SYT14: variants seen among roughly 807,000 people sequenced by gnomAD.
The protein encoded by SYT14 is synaptotagmin-14.
In SYT14, 32 loss-of-function variants were observed where a neutral mutation model predicts 74.2. The observed-to-expected ratio is 0.43, with a 90% confidence interval of 0.33 to 0.58. The LOEUF (loss-of-function observed/expected upper bound fraction) is 0.58, where lower values mean the gene tolerates loss of function less well. Among genes scored for constraint, SYT14 ranks in the 20% least tolerant of loss-of-function variants. The pLI is 0.05. For synonymous variants in SYT14, 298 were observed against 337.7 expected (o/e 0.88, Z 1.29); for missense variants, 791 against 981.8 (o/e 0.81, Z 2.60).
rs529991213 is a variant in SYT14 at position 209,993,288 on chromosome 1, T to C, written c.-485-20345T>C. Among the ~76,000 whole-genome samples, 34 of 152,334 alleles carry C rather than the reference T, an allele frequency of 2.2e-4. No homozygotes were observed. The South Asian group carries it at 4.8e-3, about 21-fold the overall frequency. The stretch of plus-strand genomic sequence containing the variant: ...AAGCTCGCCTGTCGACTGCCCCTCC[T>C]TGGACACATGCCTAGCTGCCCCGCA... On this transcript the variant is annotated intron_variant, in intron 2 of 9. Transcript: ENST00000637265.
intron 8 of SYT14, among the ~76,000 whole-genome samples, chr1:210,156,121 AT>A (rs1572391988): frequency 6.6e-6 from 1 of 152,160 alleles, no homozygotes; most frequent in East Asian, 1.9e-4. Context: ...ACAACTTTTA[AT>A]TTTTCATAGT....
intron 7 of SYT14, among the ~76,000 whole-genome samples, chr1:210,122,344 T>G (rs1195658249): frequency 6.6e-6 from 1 of 152,222 alleles, no homozygotes; most frequent in African/African-American, 2.4e-5. Flanking sequence ...ATGTTTATTG[T>G]GGGTCAATTA....
At position 209,938,391 on chromosome 1, in the gene SYT14, C is replaced by T. The variant is rs569825209; in HGVS notation, c.-534+114C>T. On this transcript the variant is annotated intron_variant, in intron 1 of 9. Coordinates refer to ENST00000637265, the Ensembl canonical transcript of SYT14. The stretch of plus-strand genomic sequence containing the variant: ...CGGGGCCGCCTCCTGTGGTCTGGAG[C>T]CGGCTGAAGACGCGCGGGGGTCCTG... 4.3e-5 allele frequency: 46 copies of T among 1,081,782 alleles called. No individual in the cohort carries two copies. The East Asian group carries it at 6.3e-4, about 15-fold the overall frequency. 67.0% of individuals were successfully genotyped at this position (1,081,782 alleles called of 1,614,324 possible). A position where few individuals can be genotyped will look rare whatever the true frequency, so the allele number is the denominator to read the frequency against.
intron 7 of SYT14, among the ~76,000 whole-genome samples, chr1:210,144,681 G>A (rs886315624): frequency 6.6e-6 from 1 of 151,774 alleles, no homozygotes; most frequent in South Asian, 2.1e-4. Context: ...AAATCATTTG[G>A]GGCTGTTATA....
At chr1:210,040,321 G>C (rs1005877229) in intron 5 of SYT14, among the ~76,000 whole-genome samples, 1 of 151,972 alleles carries the variant, frequency 6.6e-6, no homozygotes, top group Non-Finnish European at 1.5e-5. Context: ...TAAACAATGA[G>C]AACACATGGA....
chr1:209,945,016 G>A (rs1274530026), intron 1 of SYT14, among the ~76,000 whole-genome samples: 1 of 152,046 alleles, frequency 6.6e-6, no homozygotes, highest in African/African-American at 2.4e-5. Flanking sequence ...ATCATGAATA[G>A]CACTGCTTCT....
At chr1:210,138,745 A>G (rs992236018) in intron 7 of SYT14, among the ~76,000 whole-genome samples, 3 of 152,196 alleles carry the variant, frequency 2.0e-5, no homozygotes, top group African/African-American at 4.8e-5. Context: ...AGCAATCATT[A>G]TAGTAATGGT....
At chr1:210,073,865 T>C (rs1000663805) in intron 5 of SYT14, among the ~76,000 whole-genome samples, 1 of 152,160 alleles carries the variant, frequency 6.6e-6, no homozygotes, top group Non-Finnish European at 1.5e-5. Flanking sequence ...GTATGTGTTA[T>C]AGTATCAATT....
intron 2 of SYT14, among the ~76,000 whole-genome samples, chr1:209,956,991 C>T (rs902095748): frequency 2.6e-5 from 4 of 151,742 alleles, no homozygotes; most frequent in Non-Finnish European, 4.4e-5. Flanking sequence ...GGGCCTTTTC[C>T]CTTCTGCCTT....
intron 7 of SYT14, among the ~76,000 whole-genome samples, chr1:210,152,957 A>G (rs1448511460): frequency 1.3e-5 from 2 of 152,174 alleles, no homozygotes; most frequent in African/African-American, 2.4e-5. Context: ...ACTTAAAATC[A>G]CATTTGTAAA....
rs907033082 is a variant in SYT14, at chr1:209,953,278, G to A, written c.-486+522G>A. The stretch of plus-strand genomic sequence containing the variant: ...AGGAAAGGTAATTCAGTTACTAGGT[G>A]GGAGGCAAGGAATCAGGTATTCTCT... On this transcript the variant is annotated intron_variant, in intron 2 of 9. Transcript: ENST00000637265. 6.2e-6 allele frequency: 8 copies of A among 1,282,288 alleles called. No individual in the cohort carries two copies. In the African/African-American group the frequency reaches 1.1e-4, roughly 17 times the overall value. The allele number at this position is 1,282,288 out of a possible 1,614,324, so 79.4% of individuals were successfully genotyped here.
chr1:210,006,074 T>G (rs1017368583), intron 2 of SYT14, among the ~76,000 whole-genome samples: 1 of 151,906 alleles, frequency 6.6e-6, no homozygotes, highest in Admixed American at 6.6e-5. Context: ...GCATTTTTTT[T>G]CCCTAAGATC....
At chr1:210,115,911 T>G (rs142328194) in intron 7 of SYT14, among the ~76,000 whole-genome samples, 18,076 of 151,120 alleles carry the variant, frequency 0.12, 1,529 homozygotes, top group South Asian at 0.21. Context: ...TTTAATCATC[T>G]GGGTGCAGGC....
intron 5 of SYT14, among the ~76,000 whole-genome samples, chr1:210,062,014 C>T (rs1181076710): frequency 6.6e-6 from 1 of 151,614 alleles, no homozygotes; most frequent in Non-Finnish European, 1.5e-5. Flanking sequence ...CATTCCATTG[C>T]AGAAAGTATC....
chr1:210,062,871 T>A (rs1014454719), intron 5 of SYT14, among the ~76,000 whole-genome samples: 2 of 151,830 alleles, frequency 1.3e-5, no homozygotes, highest in African/African-American at 4.8e-5. Context: ...TGTGCTTGTA[T>A]TATATATGCT....
intron 5 of SYT14, among the ~76,000 whole-genome samples, chr1:210,042,340 C>G (rs1456854824): frequency 6.6e-6 from 1 of 152,128 alleles, no homozygotes; most frequent in African/African-American, 2.4e-5. Context: ...GTGGAAGTTT[C>G]TTTTGCTGTG....
At chr1:210,104,253 G>C (rs997169131) in intron 7 of SYT14, among the ~76,000 whole-genome samples, 18 of 152,176 alleles carry the variant, frequency 1.2e-4, no homozygotes, top group Non-Finnish European at 2.5e-4. Context: ...ACAGCAGCAG[G>C]TTTTCCTCAC....
At chr1:210,091,090 C>T (rs2081857855) in intron 5 of SYT14, among the ~76,000 whole-genome samples, 1 of 152,128 alleles carries the variant, frequency 6.6e-6, no homozygotes, top group South Asian at 2.1e-4. Context: ...GAAGTCTACC[C>T]ATTGAGCCCA....
chr1:210,027,625 G>T (rs2080443044), intron 5 of SYT14, among the ~76,000 whole-genome samples: 1 of 151,994 alleles, frequency 6.6e-6, no homozygotes, highest in African/African-American at 2.4e-5. Context: ...TTGTTCAAGG[G>T]TCAACCATAC....
Sources: allele counts gnomAD v4.1 joint callset (sites outside exome capture counted in the v4.1 genomes callset), GRCh38; gene constraint gnomAD v4.1.1; transcripts MANE v1.5; gene names NCBI Gene and HGNC (gene_info 2026-07-23, HGNC 2026-07-21).